The following ME1 variants were observed in gnomAD, a reference collection of about 807,000 sequenced individuals.
ME1 encodes malic enzyme 1.
ME1 carries 74 observed loss-of-function variants against 66.4 expected under a neutral mutation model. The observed-to-expected ratio is 1.11, with a 90% CI of 0.92 to 1.35. The LOEUF is 1.35. Ranked by LOEUF, ME1 falls within the 40% of genes most tolerant of loss-of-function variation. The pLI, the probability that ME1 is intolerant of heterozygous loss-of-function variation, is 0.00. For synonymous variants in ME1, 251 were observed against 235.6 expected, an observed-to-expected ratio of 1.07 and a Z score of -0.60; for missense variants, 750 against 694.1, an observed-to-expected ratio of 1.08 and a Z score of -0.90.
At chr6:83,315,197 TTTCA>T in intron 6 of ME1, 109 bp downstream of exon 6, 1 of 656,486 alleles carries the variant, frequency 1.5e-6, no homozygotes, top group Non-Finnish European at 2.7e-6. Context: ...TATATGCATT[TTTCA>T]TTCAAATTAC....
chr6:83,352,818 G>T (rs1411316442), intron 3 of ME1, among the ~76,000 whole-genome samples: 1 of 152,086 alleles, frequency 6.6e-6, no homozygotes, highest in Non-Finnish European at 1.5e-5. Context: ...TAAAAGTTTT[G>T]CTCTAGTATT....
intron 1 of ME1, among the ~76,000 whole-genome samples, chr6:83,412,286 A>T (rs1280978041): frequency 2.0e-5 from 3 of 152,184 alleles, no homozygotes; most frequent in Admixed American, 2.0e-4. Flanking sequence ...TAAGACAATT[A>T]ATCTATACAT....
chr6:83,427,307 C>A (rs1770391516), intron 1 of ME1, among the ~76,000 whole-genome samples: 2 of 152,170 alleles, frequency 1.3e-5, no homozygotes, highest in Non-Finnish European at 1.5e-5. Flanking sequence ...AAATGAAGAT[C>A]CTAATTCTCT....
At chr6:83,253,800 T>C in intron 6 of ME1, 62 bp from the exon 7 acceptor site, 1 of 838,790 alleles carries the variant, frequency 1.2e-6, no homozygotes, top group South Asian at 1.6e-5. Flanking sequence ...AAATAAACTT[T>C]TAAAATTAGC....
intron 3 of ME1, among the ~76,000 whole-genome samples, chr6:83,365,559 G>A (rs1769087824): frequency 6.6e-6 from 1 of 152,198 alleles, no homozygotes; most frequent in African/African-American, 2.4e-5. Flanking sequence ...ACAAAAACAA[G>A]CTGTAATTAT....
intron 6 of ME1, among the ~76,000 whole-genome samples, chr6:83,285,536 G>C (rs1381880590): frequency 6.6e-6 from 1 of 152,152 alleles, no homozygotes; most frequent in Non-Finnish European, 1.5e-5. Context: ...GGAAGAAGGA[G>C]AAAGCCACTG....
At chr6:83,412,139 A>G (rs1451089912) in intron 1 of ME1, among the ~76,000 whole-genome samples, 2 of 152,226 alleles carry the variant, frequency 1.3e-5, no homozygotes, top group African/African-American at 4.8e-5. Context: ...TGCCATAAAA[A>G]CAGAACAAAT....
chr6:83,357,377 A>C (rs1427874252), intron 3 of ME1, among the ~76,000 whole-genome samples: 1 of 152,208 alleles, frequency 6.6e-6, no homozygotes, highest in African/African-American at 2.4e-5. Flanking sequence ...TATTCAGATC[A>C]GTATGGGCTC....
chr6:83,253,657 C>G lies in ME1; in HGVS notation c.786G>C (p.Gln262His). The G allele has an allele frequency of 6.2e-7, 1 of 1,609,388 alleles. No homozygotes were observed. The highest frequency in any genetic ancestry group is 8.5e-7 in the Non-Finnish European group (1 of 1,176,322). ...GAATATCATCATTGAATGTGCAATA[C>G]TGGTTTCGATACTTGTTCAGGAGAC... ...AFRLLNKYRN[Q>H]YCTFNDDIQG... is the part of the protein sequence containing the mutation. Residue 262 changes from glutamine (Q) to histidine (H), a missense_variant, in exon 7 of 14, where the codon CAG becomes CAC. Gln to His is a conservative substitution (Grantham distance 24). Transcript: ENST00000369705.
intron 1 of ME1, among the ~76,000 whole-genome samples, chr6:83,408,875 C>T (rs568896427): frequency 3.9e-5 from 6 of 152,208 alleles, no homozygotes; most frequent in African/African-American, 1.4e-4. Flanking sequence ...GATAAGTACA[C>T]CAATATGATA....
intron 2 of ME1, among the ~76,000 whole-genome samples, chr6:83,404,841 C>T (rs1769909139): frequency 6.6e-6 from 1 of 152,050 alleles, no homozygotes; most frequent in South Asian, 2.1e-4. Flanking sequence ...ATTTCTGAGG[C>T]CTCTGTTCTG....
chr6:83,373,845 T>C (rs914791814), intron 3 of ME1, among the ~76,000 whole-genome samples: 3 of 152,116 alleles, frequency 2.0e-5, no homozygotes, highest in Admixed American at 6.5e-5. Flanking sequence ...TACTTATAAA[T>C]GAGAATATGC....
intron 5 of ME1, among the ~76,000 whole-genome samples, chr6:83,340,078 T>G (rs980486756): frequency 1.3e-5 from 2 of 152,204 alleles, no homozygotes; most frequent in Non-Finnish European, 2.9e-5. Flanking sequence ...AACTGGTTAT[T>G]ACAAGTACAT....
chr6:83,374,729 G>A (rs1372988461), intron 3 of ME1, among the ~76,000 whole-genome samples: 6 of 152,058 alleles, frequency 3.9e-5, no homozygotes, highest in Admixed American at 3.3e-4. Flanking sequence ...ATGGTTTTTG[G>A]TTTTACATTT....
intron 3 of ME1, among the ~76,000 whole-genome samples, chr6:83,385,697 A>G (rs1386303985): frequency 1.3e-5 from 2 of 151,730 alleles, no homozygotes; most frequent in Non-Finnish European, 2.9e-5. Context: ...CCATTCTCCA[A>G]ATTTTTCCTC....
chr6:83,294,977 C>T (rs972961373), intron 6 of ME1, among the ~76,000 whole-genome samples: 6 of 152,192 alleles, frequency 3.9e-5, no homozygotes, highest in African/African-American at 1.2e-4. Flanking sequence ...GAGTGCCACA[C>T]TGCGATCTGC....
rs1767363882 is a variant in ME1 at position 83,284,644 on chromosome 6, C to T, written c.704+30666G>A. Among the ~76,000 whole-genome samples the T allele has an allele frequency of 3.3e-5, 5 of 152,054 alleles. No individual in the cohort carries two copies. The South Asian group carries it at 1.0e-3, about 32-fold the overall frequency. Reference sequence around the variant, plus strand: ...ATGCAGAAAACCTTTCAATAAAATCCAACATCCCTTCATTATAAAAAACCT... The same window carrying T: ...ATGCAGAAAACCTTTCAATAAAATCTAACATCCCTTCATTATAAAAAACCT... On this transcript the variant is annotated intron_variant, in intron 6 of 13. Transcript: ENST00000369705.
intron 3 of ME1, among the ~76,000 whole-genome samples, chr6:83,379,401 A>G (rs1769353031): frequency 6.6e-6 from 1 of 152,080 alleles, no homozygotes; most frequent in Non-Finnish European, 1.5e-5. Context: ...TATCACTTAG[A>G]TTTAACACTT....
chr6:83,253,593 A>C, intron 7 of ME1, 36 bp downstream of exon 7: 3 of 985,024 alleles, frequency 3.0e-6, no homozygotes, highest in Non-Finnish European at 4.9e-6. Flanking sequence ...AATTTCAGAC[A>C]TGTTATTGAT....
Sources: allele counts gnomAD v4.1 joint callset (sites outside exome capture counted in the v4.1 genomes callset), GRCh38; gene constraint gnomAD v4.1.1; transcripts MANE v1.5; gene names NCBI Gene and HGNC (gene_info 2026-07-23, HGNC 2026-07-21).